The following UHRF1 variants were observed in gnomAD, a reference collection of about 807,000 sequenced individuals.
UHRF1 encodes the protein ubiquitin like with PHD and ring finger domains 1, also known as E3 ubiquitin-protein ligase UHRF1.
In UHRF1, 9 loss-of-function variants were observed where a neutral mutation model predicts 96.5. The observed-to-expected ratio is 0.09, with a 90% CI of 0.06 to 0.16. The LOEUF is 0.16. UHRF1 is among the 10% of genes least tolerant of loss of function. The probability of loss-of-function intolerance (pLI) is 1.00; values close to 1 mark genes in which losing one functional copy is unlikely to be tolerated. For missense variants in UHRF1, 626 were observed against 1,131.1 expected, an observed-to-expected ratio of 0.55 and a Z score of 6.40; for synonymous variants, 455 against 469.9, an observed-to-expected ratio of 0.97 and a Z score of 0.41.
intron 2 of UHRF1, among the ~76,000 whole-genome samples, chr19:4,913,356 C>T (rs998537571): frequency 3.4e-5 from 5 of 146,456 alleles, no homozygotes; most frequent in African/African-American, 5.1e-5. Context: ...CAAGTTCAAG[C>T]GATCCTCCTG....
chr19:4,928,566 A>T (rs888704020), intron 2 of UHRF1, among the ~76,000 whole-genome samples: 1 of 152,184 alleles, frequency 6.6e-6, no homozygotes, highest in Non-Finnish European at 1.5e-5. Context: ...GGTGGAGCTG[A>T]GGGTCAGAGG....
intron 10 of UHRF1, among the ~76,000 whole-genome samples, chr19:4,946,452 G>C (rs900720356): frequency 6.6e-6 from 1 of 152,120 alleles, no homozygotes; most frequent in East Asian, 1.9e-4. Context: ...TTCCCCTTTC[G>C]ACTGCTGTGA....
At chr19:4,946,212 C>T (rs1284335819) in intron 10 of UHRF1, among the ~76,000 whole-genome samples, 1 of 152,136 alleles carries the variant, frequency 6.6e-6, no homozygotes, top group Non-Finnish European at 1.5e-5. Flanking sequence ...TGGCACCGCC[C>T]AACCTGGTTC....
intron 2 of UHRF1, among the ~76,000 whole-genome samples, chr19:4,915,990 G>A (rs753662436): frequency 3.3e-5 from 5 of 152,108 alleles, no homozygotes; most frequent in Non-Finnish European, 5.9e-5. Flanking sequence ...GTGTCTGTGT[G>A]GATTATGTCT....
chr19:4,922,853 CT>C (rs1326583169), intron 2 of UHRF1, among the ~76,000 whole-genome samples: 1 of 152,248 alleles, frequency 6.6e-6, no homozygotes, highest in Non-Finnish European at 1.5e-5. Flanking sequence ...CTGGGAGACA[CT>C]TCCTGTCCCT....
At chr19:4,942,925 T>C (rs979281192) in intron 7 of UHRF1, among the ~76,000 whole-genome samples, 5 of 147,562 alleles carry the variant, frequency 3.4e-5, no homozygotes, top group Admixed American at 3.4e-4. Context: ...GTGATGGAAG[T>C]GAGACCCTAT....
intron 10 of UHRF1, among the ~76,000 whole-genome samples, chr19:4,946,427 G>T (rs779412189): frequency 5.3e-5 from 8 of 152,110 alleles, no homozygotes; most frequent in Middle Eastern, 3.4e-3. Flanking sequence ...GTCTGTCCGT[G>T]GGCACTGGGG....
chr19:4,908,853 T>C (rs1231912724), upstream of UHRF1, among the ~76,000 whole-genome samples: 2 of 152,180 alleles, frequency 1.3e-5, no homozygotes, highest in Non-Finnish European at 2.9e-5. Flanking sequence ...GGCTGCTTTG[T>C]AGGTGCCCAG....
chr19:4,923,807 C>T (rs1332722202), intron 2 of UHRF1, among the ~76,000 whole-genome samples: 3 of 152,194 alleles, frequency 2.0e-5, no homozygotes, highest in South Asian at 2.1e-4. Context: ...GAAGGCCCCA[C>T]CCCAGAGAGT....
At position 4,947,225 on chromosome 19, in the gene UHRF1, G is replaced by A. The variant is rs2033591060; in HGVS notation, c.1517+14G>A. On this transcript the variant is annotated intron_variant, in intron 11 of 16. Coordinates refer to ENST00000650932, the MANE Select transcript of UHRF1 (RefSeq NM_001048201.3). ...CAACACCAACAGGTTTGTGGAATCAGCCTTCTTATTTCCTTGCTGATGCAT... is the reference window on the plus strand; with the variant it reads ...CAACACCAACAGGTTTGTGGAATCAACCTTCTTATTTCCTTGCTGATGCAT... 2 of 1,611,504 alleles carry A rather than the reference G, an allele frequency of 1.2e-6. No individual in the cohort carries two copies. Among genetic ancestry groups the A allele is most frequent in the Non-Finnish European group, 1.7e-6 (2 of 1,177,830 alleles).
chr19:4,937,982 C>T (rs533226599), intron 5 of UHRF1, among the ~76,000 whole-genome samples: 7 of 152,180 alleles, frequency 4.6e-5, no homozygotes, highest in Admixed American at 2.6e-4. Flanking sequence ...GTGAAATCCC[C>T]GTCTCTACTA....
At chr19:4,913,104 G>A (rs924407946) in intron 2 of UHRF1, among the ~76,000 whole-genome samples, 1 of 152,016 alleles carries the variant, frequency 6.6e-6, no homozygotes, top group Admixed American at 6.6e-5. Flanking sequence ...GAATAATTTT[G>A]ACAAATGTCT....
In UHRF1 at chr19:4,941,929, G is replaced by A. The variant is rs1415629271; in HGVS notation, c.1071G>A (p.Glu357=). The A allele has an allele frequency of 5.3e-6, 8 of 1,511,942 alleles. No homozygotes were observed. Among genetic ancestry groups the A allele is most frequent in the Non-Finnish European group, 7.1e-6 (8 of 1,129,492 alleles). 93.7% of individuals were successfully genotyped at this position (1,511,942 alleles called of 1,614,324 possible). A position where few individuals can be genotyped will look rare whatever the true frequency, so the allele number is the denominator to read the frequency against. ...TCAGCAGTGTTCCCAGCGAGGACGA[G>A]TGGTGAGTGCGGCCCTGCCCGCCGC... is the stretch of plus-strand genomic sequence containing the variant. ...PPLSSVPSED[E]WYCPECRNDA... is the part of the protein sequence containing the mutation. Residue 357 remains glutamate, a splice_region_variant and synonymous_variant, in exon 7 of 17, where the codon GAG becomes GAA. Coordinates refer to ENST00000650932, the MANE Select transcript of UHRF1 (RefSeq NM_001048201.3).
intron 2 of UHRF1, among the ~76,000 whole-genome samples, chr19:4,928,329 A>AG (rs943450484): frequency 5.0e-4 from 66 of 132,070 alleles, no homozygotes; most frequent in African/African-American, 1.1e-3. Flanking sequence ...AATCATCAGG[A>AG]GGGGGGGGTC....
intron 13 of UHRF1, among the ~76,000 whole-genome samples, chr19:4,951,557 C>T (rs1009452501): frequency 3.3e-5 from 5 of 152,182 alleles, no homozygotes; most frequent in East Asian, 1.9e-4. Context: ...GATGGGAACG[C>T]GCAGATGACA....
chr19:4,944,128 G>T lies in UHRF1; in HGVS notation c.1074-4G>T, dbSNP rs1483790486. Reference sequence around the variant, plus strand: ...CGTGGGCAGTGACAATCCCGACCTCGCAGGTACTGCCCTGAGTGCCGGAAT... The same window carrying T: ...CGTGGGCAGTGACAATCCCGACCTCTCAGGTACTGCCCTGAGTGCCGGAAT... On this transcript the variant is annotated splice_region_variant and splice_polypyrimidine_tract_variant and intron_variant, in intron 7 of 16. Transcript: ENST00000650932. 3 of 1,613,668 alleles carry T rather than the reference G, an allele frequency of 1.9e-6. No homozygotes were observed. Among genetic ancestry groups the T allele is most frequent in the Non-Finnish European group, 2.5e-6 (3 of 1,179,846 alleles).
At chr19:4,958,530 C>T (rs1462648129) in intron 16 of UHRF1, among the ~76,000 whole-genome samples, 3 of 152,210 alleles carry the variant, frequency 2.0e-5, no homozygotes, top group East Asian at 1.9e-4. Flanking sequence ...TGTGAAGGCG[C>T]GGAAGCGCTG....
chr19:4,923,251 G>A (rs561098816), intron 2 of UHRF1, among the ~76,000 whole-genome samples: 60 of 152,226 alleles, frequency 3.9e-4, no homozygotes, highest in African/African-American at 1.4e-3. Context: ...GACAGAGTCC[G>A]ACCGTCTGGC....
chr19:4,955,369 C>G (rs1487529020), intron 15 of UHRF1, among the ~76,000 whole-genome samples: 1 of 152,120 alleles, frequency 6.6e-6, no homozygotes, highest in Non-Finnish European at 1.5e-5. Context: ...TTTACAGCCA[C>G]AGCGCATCTT....
Sources: allele counts gnomAD v4.1 joint callset (sites outside exome capture counted in the v4.1 genomes callset), GRCh38; gene constraint gnomAD v4.1.1; transcripts MANE v1.5; gene names NCBI Gene and HGNC (gene_info 2026-07-23, HGNC 2026-07-21).